The following EPG5 variants were observed in gnomAD, a reference collection of about 807,000 sequenced individuals.
EPG5 encodes the protein ectopic P-granules 5 autophagy tethering factor, also known as ectopic P granules protein 5 homolog.
EPG5 carries 159 observed loss-of-function variants against 302.7 expected under a neutral mutation model. The observed-to-expected ratio is 0.53, with a 90% CI of 0.46 to 0.60. EPG5 has a LOEUF of 0.60. Ranked by LOEUF, EPG5 falls within the 20% of genes least tolerant of loss-of-function variation. The pLI is 0.00. For missense variants in EPG5, 2,896 were observed against 3,092.4 expected, an observed-to-expected ratio of 0.94 and a Z score of 1.51; for synonymous variants, 1,158 against 1,136.8, an observed-to-expected ratio of 1.02 and a Z score of -0.37.
chr18:45,885,500 T>C (rs964542388), intron 29 of EPG5, among the ~76,000 whole-genome samples: 9 of 152,188 alleles, frequency 5.9e-5, no homozygotes, highest in South Asian at 4.1e-4. Flanking sequence ...TTCCAGGTTA[T>C]AGATTTTACT....
chr18:45,961,470 C>T lies in EPG5; in HGVS notation c.63+5707G>A, dbSNP rs954466268. Among the ~76,000 whole-genome samples the T allele has an allele frequency of 2.0e-5, 3 of 152,184 alleles. No individual in the cohort carries two copies. In the East Asian group the frequency reaches 5.8e-4, roughly 29 times the overall value. ...GCATGCCACCGCCAGACAGCCTTTT[C>T]CTGGCTAGTCCCTCTGCCTGAAACA... On this transcript the variant is annotated intron_variant, in intron 1 of 43. Coordinates refer to ENST00000282041, the MANE Select transcript of EPG5 (RefSeq NM_020964.3).
chr18:45,913,771 G>A lies in EPG5; in HGVS notation c.3751C>T (p.Leu1251Phe). 1 of 1,614,106 alleles carries A rather than the reference G, an allele frequency of 6.2e-7. No individual in the cohort carries two copies. The highest frequency in any genetic ancestry group is 1.7e-5 in the Admixed American group (1 of 60,014). The change falls in exon 21 of 44, where the codon CTC (leucine) becomes TTC (phenylalanine). Residue 1251 changes from leucine (L) to phenylalanine (F), a missense_variant. Leu to Phe is a conservative substitution (Grantham distance 22, BLOSUM62 0). Transcript: ENST00000282041. ...AATTCCCCTTCAATAACTCTCCGGA[G>A]CTGGGAGTCCTCTTCAAAGATGGAT... ...MESIFEEDSQLRRVIEGELVI... is the reference protein window; with the variant it reads ...MESIFEEDSQFRRVIEGELVI...
chr18:45,870,821 A>C, intron 35 of EPG5, 79 bp from the exon 36 acceptor site: 10 of 1,254,826 alleles, frequency 8.0e-6, no homozygotes, highest in Non-Finnish European at 1.1e-5. Flanking sequence ...TTTGAACTAA[A>C]AGTCTAAAAT....
the EPG5 span, chr18:45,825,702 G>C: frequency 6.2e-7 from 1 of 1,613,972 alleles, no homozygotes; most frequent in Non-Finnish European, 8.5e-7. Flanking sequence ...GAGCGGGTCT[G>C]GCCTGGGGTG....
intron 10 of EPG5, among the ~76,000 whole-genome samples, chr18:45,936,720 C>CAAAAAA (rs762675563): frequency 1.9e-5 from 1 of 53,840 alleles, no homozygotes; most frequent in Non-Finnish European, 3.6e-5. Context: ...GACTCCATTT[C>CAAAAAA]AAAAAAAAAA....
intron 35 of EPG5, among the ~76,000 whole-genome samples, chr18:45,871,345 T>A (rs907500858): frequency 1.3e-5 from 2 of 152,158 alleles, no homozygotes; most frequent in African/African-American, 4.8e-5. Context: ...TGTAAATTAG[T>A]ACAACCATTA....
intron 1 of EPG5, among the ~76,000 whole-genome samples, chr18:45,955,774 A>G (rs527806190): frequency 1.3e-5 from 2 of 152,208 alleles, no homozygotes; most frequent in African/African-American, 2.4e-5. Context: ...CTTGAGCAAC[A>G]TAACAATTGT....
chr18:45,860,139 G>T lies in EPG5; in HGVS notation c.6974C>A (p.Thr2325Asn). Residue 2325 changes from threonine (T) to asparagine (N), a missense_variant, in exon 40 of 44, where the codon ACT becomes AAT. Physicochemically the swap from Thr to Asn is moderately conservative, Grantham distance 65. Around this residue, in one of 5 missense-constraint regions of EPG5, gnomAD observed 620 missense variants for 704.2 expected, o/e 0.88. Coordinates refer to ENST00000282041, the MANE Select transcript of EPG5 (RefSeq NM_020964.3). Reference sequence around the variant, plus strand: ...GTAGGCAGTGATGCAGGCTTCTGTAGTCTCAGCCATGTGGCGGACGGACGC... The same window carrying T: ...GTAGGCAGTGATGCAGGCTTCTGTATTCTCAGCCATGTGGCGGACGGACGC... ...SLASVRHMAE[T>N]TEACITAYFK... is the part of the protein sequence containing the mutation. 1 of 1,614,248 alleles carries T rather than the reference G, an allele frequency of 6.2e-7. No individual in the cohort carries two copies. The highest frequency in any genetic ancestry group is 1.3e-5 in the African/African-American group (1 of 75,078).
In EPG5 at chr18:45,955,318, A is replaced by G. The variant is rs2143795771; in HGVS notation, c.84T>C (p.Thr28=). Residue 28 remains threonine (T), a synonymous_variant, in exon 2 of 44, where the codon ACT becomes ACC. Coordinates refer to ENST00000282041, the MANE Select transcript of EPG5 (RefSeq NM_020964.3). Reference sequence around the variant, plus strand: ...CTTCACTGGACTCTTCCCTCTGAGGAGTTTCATACTTCTTCTTTTCCTAAA... The same window carrying G: ...CTTCACTGGACTCTTCCCTCTGAGGGGTTTCATACTTCTTCTTTTCCTAAA... ...TKTKEKKKYE[T]PQREESSEVS... The G allele has an allele frequency of 6.4e-7, 1 of 1,559,468 alleles. No homozygotes were observed. Among genetic ancestry groups the G allele is most frequent in the Non-Finnish European group, 8.7e-7 (1 of 1,154,958 alleles).
chr18:45,831,655 G>T, the EPG5 span, among the ~76,000 whole-genome samples: 1 of 152,072 alleles, frequency 6.6e-6, no homozygotes, highest in African/African-American at 2.4e-5. Context: ...TTCCAGGTGA[G>T]TTAAGGACAA....
In EPG5 at chr18:45,852,436, G is replaced by A. The variant is rs775098858; in HGVS notation, c.*31C>T. 2.5e-6 allele frequency: 4 copies of A among 1,588,946 alleles called. No homozygotes were observed. Among genetic ancestry groups the A allele is most frequent in the Non-Finnish European group, 3.4e-6 (4 of 1,166,160 alleles). On this transcript the variant is annotated 3_prime_UTR_variant, in exon 44 of 44. Transcript: ENST00000282041. ...GCAAAGTTAAATGTAAACATAAACAGCAATGGGTTTTTCAAGAGCCTCAGT... is the reference window on the plus strand; with the variant it reads ...GCAAAGTTAAATGTAAACATAAACAACAATGGGTTTTTCAAGAGCCTCAGT...
intron 16 of EPG5, among the ~76,000 whole-genome samples, chr18:45,921,860 T>C (rs1276636655): frequency 6.6e-6 from 1 of 150,996 alleles, no homozygotes; most frequent in African/African-American, 2.4e-5. Context: ...ATACCTAATG[T>C]AAATGATGAG....
At chr18:45,867,133 A>C in intron 37 of EPG5, 126 bp from the exon 38 acceptor site, 1 of 681,574 alleles carries the variant, frequency 1.5e-6, no homozygotes. Context: ...TTATGATATC[A>C]AGTAAGTATC....
the EPG5 span, among the ~76,000 whole-genome samples, chr18:45,816,342 T>G: frequency 6.6e-6 from 1 of 151,646 alleles, no homozygotes; most frequent in East Asian, 1.9e-4. Context: ...GAGTAAACAG[T>G]CAACCCACAG....
At chr18:45,804,312 C>T in the EPG5 span, among the ~76,000 whole-genome samples, 1 of 151,834 alleles carries the variant, frequency 6.6e-6, no homozygotes, top group East Asian at 1.9e-4. Flanking sequence ...TCTAACATAC[C>T]TACAATTGAA....
chr18:45,956,052 C>G (rs1167375603), intron 1 of EPG5, among the ~76,000 whole-genome samples: 1 of 152,142 alleles, frequency 6.6e-6, no homozygotes, highest in Non-Finnish European at 1.5e-5. Context: ...CAAAGTATCT[C>G]CTCCCAAATA....
rs1354734551 is a variant in EPG5, at chr18:45,939,506, T to G, written c.2099+94A>C. The G allele has an allele frequency of 4.1e-6, 5 of 1,227,148 alleles. No individual in the cohort carries two copies. The East Asian group carries it at 7.1e-5, about 17-fold the overall frequency. The allele number at this position is 1,227,148 out of a possible 1,614,324, so 76.0% of individuals were successfully genotyped here. A position where few individuals can be genotyped will look rare whatever the true frequency, so the allele number is the denominator to read the frequency against. The stretch of plus-strand genomic sequence containing the variant: ...AAATAGATGAAATACACTAAGAAAC[T>G]ATTATAAAAGACCTACTTAAGTGGC... On this transcript the variant is annotated intron_variant, in intron 10 of 43. Transcript: ENST00000282041.
At chr18:45,918,849 A>C (rs1486942084) in intron 16 of EPG5, among the ~76,000 whole-genome samples, 1 of 152,252 alleles carries the variant, frequency 6.6e-6, no homozygotes, top group Non-Finnish European at 1.5e-5. Flanking sequence ...CAATGTCACA[A>C]CAAAAGAGTC....
At chr18:45,953,623 G>A in intron 2 of EPG5, 1 of 985,250 alleles carries the variant, frequency 1.0e-6, no homozygotes, top group Non-Finnish European at 1.2e-6. Flanking sequence ...CCTCCATAGG[G>A]TTGCATCTAA....
Sources: gnomAD v4.1 joint callset for allele counts (sites outside exome capture counted in the v4.1 genomes callset) on GRCh38, gnomAD v4.1.1 for gene constraint, gnomAD v4.1.1 regional missense constraint, MANE v1.5 for transcripts, NCBI Gene and HGNC (gene_info 2026-07-23, HGNC 2026-07-21) for gene names.